ALPK2: variants seen among roughly 807,000 people sequenced by gnomAD.
ALPK2 encodes the protein alpha kinase 2.
In ALPK2, 127 loss-of-function variants were observed where a neutral mutation model predicts 163.1. The ratio of observed to expected loss-of-function variants is 0.78; its 90% confidence interval spans 0.67 to 0.90. ALPK2 has a LOEUF of 0.90. Among genes scored for constraint, ALPK2 ranks in the 40% least tolerant of loss-of-function variants. ALPK2 has a pLI of 0.00. For synonymous variants in ALPK2, 953 were observed against 959.1 expected (o/e 0.99, Z 0.12); for missense variants, 2,360 against 2,589.6 (o/e 0.91, Z 1.92).
intron 12 of ALPK2, among the ~76,000 whole-genome samples, chr18:58,485,745 G>T (rs2051335383): frequency 6.6e-6 from 1 of 152,162 alleles, no homozygotes; most frequent in African/African-American, 2.4e-5. Flanking sequence ...GAGACGCAGG[G>T]CCTGCTCCGT....
At chr18:58,568,106 G>T (rs368203034) in intron 4 of ALPK2, among the ~76,000 whole-genome samples, 1 of 152,120 alleles carries the variant, frequency 6.6e-6, no homozygotes, top group African/African-American at 2.4e-5. Context: ...ATTAGTTTCT[G>T]GTTTCAAAAT....
intron 2 of ALPK2, among the ~76,000 whole-genome samples, chr18:58,609,505 G>A (rs1433892920): frequency 2.0e-5 from 3 of 152,194 alleles, no homozygotes; most frequent in Admixed American, 6.5e-5. Flanking sequence ...ATATTCATGA[G>A]CTGGGCCTGG....
chr18:58,606,009 C>G (rs2052096157), intron 3 of ALPK2, among the ~76,000 whole-genome samples: 1 of 152,186 alleles, frequency 6.6e-6, no homozygotes, highest in Non-Finnish European at 1.5e-5. Flanking sequence ...AAATGTTAGG[C>G]TAGATATGCT....
chr18:58,614,593 CA>C (rs1281004726), intron 1 of ALPK2, among the ~76,000 whole-genome samples: 5 of 152,182 alleles, frequency 3.3e-5, no homozygotes, highest in Middle Eastern at 3.2e-3. Flanking sequence ...GAATGGATAT[CA>C]ATTGGTATTT....
rs1444500144 is a variant in ALPK2 at position 58,535,825 on chromosome 18, A to C, written c.4362T>G (p.Val1454=). 6.2e-7 allele frequency: 1 copy of C among 1,614,172 alleles called. No individual in the cohort carries two copies. The highest frequency in any genetic ancestry group is 2.2e-5 in the East Asian group (1 of 44,886). Residue 1454 remains valine (V), a synonymous_variant, in exon 5 of 13, where the codon GTT becomes GTG. Coordinates refer to ENST00000361673, the MANE Select transcript of ALPK2 (RefSeq NM_052947.4). ...TCAGAATGGTTCCCTGGAGACATGG[A>C]ACTTGCAAAATGGCCGGCTGGATTT... ...EAEIQPAILQ[V]PCLQGTILSE... is the part of the protein sequence containing the mutation.
At chr18:58,530,863 C>G (rs139950234) in intron 5 of ALPK2, among the ~76,000 whole-genome samples, 1 of 152,024 alleles carries the variant, frequency 6.6e-6, no homozygotes, top group Non-Finnish European at 1.5e-5. Flanking sequence ...GTAAAGTCCC[C>G]GGTGAATAAA....
At chr18:58,508,856 C>T (rs142062393) in intron 10 of ALPK2, among the ~76,000 whole-genome samples, 63 of 151,906 alleles carry the variant, frequency 4.1e-4, no homozygotes, top group African/African-American at 1.3e-3. Flanking sequence ...GACCCCTTTC[C>T]GGTAACAGCT....
At chr18:58,524,433 T>C (rs923180577) in intron 6 of ALPK2, among the ~76,000 whole-genome samples, 5 of 152,274 alleles carry the variant, frequency 3.3e-5, no homozygotes, top group East Asian at 3.8e-4. Context: ...CCCAAACTTA[T>C]ACAGATACAA....
chr18:58,626,396 C>T (rs2052230900), intron 1 of ALPK2, among the ~76,000 whole-genome samples: 1 of 152,160 alleles, frequency 6.6e-6, no homozygotes, highest in African/African-American at 2.4e-5. Context: ...AAGCTACTGC[C>T]CCTGCTCTGC....
chr18:58,562,357 T>G (rs2051829676), intron 4 of ALPK2, among the ~76,000 whole-genome samples: 1 of 152,244 alleles, frequency 6.6e-6, no homozygotes, highest in Non-Finnish European at 1.5e-5. Flanking sequence ...TCATTTTCAG[T>G]CTTTTTAACT....
chr18:58,502,594 T>C (rs2051438192), intron 11 of ALPK2, among the ~76,000 whole-genome samples: 1 of 152,198 alleles, frequency 6.6e-6, no homozygotes, highest in South Asian at 2.1e-4. Context: ...GAGATCCTCA[T>C]CTGGGACAAT....
chr18:58,483,348 A>C (rs1052400717), intron 12 of ALPK2, among the ~76,000 whole-genome samples: 4 of 152,114 alleles, frequency 2.6e-5, no homozygotes, highest in Non-Finnish European at 5.9e-5. Context: ...TTGCTGTTAA[A>C]ACGAAGACAA....
intron 8 of ALPK2, among the ~76,000 whole-genome samples, chr18:58,522,863 C>T (rs2051562627): frequency 6.6e-6 from 1 of 151,980 alleles, no homozygotes; most frequent in Admixed American, 6.6e-5. Context: ...GAAGTATGGC[C>T]CTACATTCAC....
chr18:58,563,738 A>G (rs1395217875), intron 4 of ALPK2, among the ~76,000 whole-genome samples: 3 of 152,238 alleles, frequency 2.0e-5, no homozygotes, highest in East Asian at 1.9e-4. Flanking sequence ...ATATTGTACC[A>G]TAATATATTT....
chr18:58,562,695 G>A (rs77740189), intron 4 of ALPK2, among the ~76,000 whole-genome samples: 1,613 of 152,310 alleles, frequency 0.011, 29 homozygotes, highest in African/African-American at 0.036. Context: ...ACAAAGGGCC[G>A]TATATTGGGT....
At chr18:58,498,231 T>G in intron 11 of ALPK2, 134 bp from the exon 12 acceptor site, 3 of 755,402 alleles carry the variant, frequency 4.0e-6, no homozygotes, top group African/African-American at 1.7e-5. Context: ...TCGAGGCCTC[T>G]TTCATATACG....
chr18:58,571,709 A>G (rs947892716), intron 4 of ALPK2, among the ~76,000 whole-genome samples: 28 of 152,090 alleles, frequency 1.8e-4, no homozygotes, highest in African/African-American at 6.0e-4. Context: ...CAAATTACAG[A>G]CTAGGAGAAA....
chr18:58,529,156 T>C lies in ALPK2; in HGVS notation c.5436A>G (p.Glu1812=), dbSNP rs778080343. The change falls in exon 6 of 13, where the codon GAA becomes GAG. Residue 1812 remains glutamate (E), a synonymous_variant. Coordinates refer to ENST00000361673, the MANE Select transcript of ALPK2 (RefSeq NM_052947.4). ...GNVKLSCQFA[E]IHEDSTICWT... ...AGCAGATAGTAGAATCTTCATGAAT[T>C]TCTGCAAATTGGCAGCTTAATTTTA... 6.2e-7 allele frequency: 1 copy of C among 1,614,128 alleles called. No homozygotes were observed. Among genetic ancestry groups the C allele is most frequent in the Non-Finnish European group, 8.5e-7 (1 of 1,179,976 alleles).
intron 3 of ALPK2, among the ~76,000 whole-genome samples, chr18:58,595,592 G>A (rs539703518): frequency 1.3e-5 from 2 of 152,274 alleles, no homozygotes; most frequent in East Asian, 3.9e-4. Flanking sequence ...GATGGGTCCT[G>A]TGATCTCTCT....
Sources: gnomAD v4.1 joint callset for allele counts (sites outside exome capture counted in the v4.1 genomes callset) on GRCh38, gnomAD v4.1.1 for gene constraint, MANE v1.5 for transcripts, NCBI Gene and HGNC (gene_info 2026-07-23, HGNC 2026-07-21) for gene names.